HNRNPR: variants seen among roughly 807,000 people sequenced by gnomAD.
HNRNPR encodes heterogeneous nuclear ribonucleoprotein R.
In HNRNPR, 4 loss-of-function variants were observed where a neutral mutation model predicts 70.3. The ratio of observed to expected loss-of-function variants is 0.06; its 90% CI spans 0.03 to 0.13. The LOEUF is 0.13. HNRNPR is among the 10% of genes least tolerant of loss of function. HNRNPR has a pLI of 1.00. For missense variants in HNRNPR, 423 were observed against 788.5 expected, an observed-to-expected ratio of 0.54 and a Z score of 5.55; for synonymous variants, 241 against 267.6, an observed-to-expected ratio of 0.90 and a Z score of 0.97.
At chr1:23,329,214 G>C (rs781413097) in intron 5 of HNRNPR, among the ~76,000 whole-genome samples, 5 of 152,112 alleles carry the variant, frequency 3.3e-5, no homozygotes, top group Non-Finnish European at 5.9e-5. Flanking sequence ...AACAGACCAC[G>C]AATCGAAAAC....
rs899169929 is a variant in HNRNPR, at chr1:23,344,266, G to GA, written c.-66dup. 3 of 152,614 alleles carry GA rather than the reference G, an allele frequency of 2.0e-5. No homozygotes were observed. Among genetic ancestry groups the GA allele is most frequent in the Admixed American group, 6.6e-5 (1 of 15,252 alleles). 9.5% of individuals were successfully genotyped at this position (152,614 alleles called of 1,614,324 possible). A position where few individuals can be genotyped will look rare whatever the true frequency, so the allele number is the denominator to read the frequency against. ...CGTGAGAATCAGCGCGAGGCGCTTT[G>GA]AAAACGACTAGAAATGGCGCGCGCG... On this transcript the variant is annotated 5_prime_UTR_variant, in exon 1 of 11. Coordinates refer to ENST00000302271, the MANE Select transcript of HNRNPR (RefSeq NM_005826.5).
chr1:23,332,174 T>C (rs376972534), intron 5 of HNRNPR, among the ~76,000 whole-genome samples: 22 of 151,832 alleles, frequency 1.4e-4, no homozygotes, highest in African/African-American at 4.8e-4. Flanking sequence ...AAGGAAGGAA[T>C]AGAACAGGCT....
rs1000218722 is a variant in HNRNPR, at chr1:23,305,456, G to A, written c.*4998C>T. 6.6e-6 allele frequency: 1 copy of A among 152,066 alleles called. No individual in the cohort carries two copies. The highest frequency in any genetic ancestry group is 6.6e-5 in the Admixed American group (1 of 15,258). 9.4% of individuals were successfully genotyped at this position (152,066 alleles called of 1,614,324 possible). A position where few individuals can be genotyped will look rare whatever the true frequency, so the allele number is the denominator to read the frequency against. On this transcript the variant is annotated 3_prime_UTR_variant, in exon 11 of 11. Coordinates refer to ENST00000302271, the MANE Select transcript of HNRNPR (RefSeq NM_005826.5). ...CACTGACTAGCACATTTAACATCTA[G>A]GAAAGTCTTTCTAGACTGATATTCT...
Position 23,321,548 on chromosome 1 carries a change from T to G in HNRNPR, c.791A>C (p.Glu264Ala). 6.2e-7 allele frequency: 1 copy of G among 1,612,180 alleles called. No individual in the cohort carries two copies. The highest frequency in any genetic ancestry group is 2.2e-5 in the East Asian group (1 of 44,856). ...TTTACCTGTGACTTTACTGAATTCT[T>G]CCAAAATGTTTTCTTTAGTCTTATT... Reference protein sequence around the residue: ...PKNKTKENILEEFSKVTEGLV... With the variant: ...PKNKTKENILAEFSKVTEGLV... Residue 264 changes from glutamate to alanine, a missense_variant, in exon 7 of 11, where the codon GAA becomes GCA. Physicochemically the swap from Glu to Ala is moderately radical, Grantham distance 107 (BLOSUM62 -1). Coordinates refer to ENST00000302271, the MANE Select transcript of HNRNPR (RefSeq NM_005826.5).
At chr1:23,326,946 C>T (rs1256029759) in intron 5 of HNRNPR, among the ~76,000 whole-genome samples, 1 of 152,158 alleles carries the variant, frequency 6.6e-6, no homozygotes, top group African/African-American at 2.4e-5. Flanking sequence ...ATGATGAAGA[C>T]ATGTTTGTAA....
At chr1:23,326,057 G>GAGGC (rs1210409194) in intron 5 of HNRNPR, among the ~76,000 whole-genome samples, 1 of 152,048 alleles carries the variant, frequency 6.6e-6, no homozygotes, top group Non-Finnish European at 1.5e-5. Flanking sequence ...GGGGAAGAGA[G>GAGGC]AGGCTCTCAC....
rs1205316936 is a variant in HNRNPR at position 23,318,865 on chromosome 1, T to C, written c.812-177A>G. On this transcript the variant is annotated intron_variant, in intron 7 of 10. Coordinates refer to ENST00000302271, the MANE Select transcript of HNRNPR (RefSeq NM_005826.5). This position sits in a 1 kb window ranked among gnomAD's most constrained non-coding sequence, Gnocchi z 4.2. ...TTAGATATGGGGTTTGGGACAGTAT[T>C]TGATGTTCCTTTTTAATTTTAGGGG... is the stretch of plus-strand genomic sequence containing the variant. Among the ~76,000 whole-genome samples, 1 of 152,204 alleles carries C rather than the reference T, an allele frequency of 6.6e-6. No individual in the cohort carries two copies. Among genetic ancestry groups the C allele is most frequent in the African/African-American group, 2.4e-5 (1 of 41,450 alleles).
At chr1:23,343,139 T>C (rs1646766986) in intron 1 of HNRNPR, among the ~76,000 whole-genome samples, 4 of 152,142 alleles carry the variant, frequency 2.6e-5, no homozygotes, top group African/African-American at 7.2e-5. Context: ...ACCATATTTC[T>C]GGATGCAGCA....
At chr1:23,311,404 GTAAT>G in intron 9 of HNRNPR, 82 bp from the exon 10 acceptor site, 1 of 884,702 alleles carries the variant, frequency 1.1e-6, no homozygotes, top group Non-Finnish European at 1.7e-6. Flanking sequence ...TTATACTTGT[GTAAT>G]TTAATACACT....
At chr1:23,326,606 G>T (rs1645986008) in intron 5 of HNRNPR, among the ~76,000 whole-genome samples, 2 of 152,098 alleles carry the variant, frequency 1.3e-5, no homozygotes, top group African/African-American at 4.8e-5. Flanking sequence ...CCAACATGGT[G>T]AAACCCCATC....
intron 8 of HNRNPR, among the ~76,000 whole-genome samples, chr1:23,314,473 C>G (rs780696465): frequency 1.3e-5 from 2 of 152,128 alleles, no homozygotes; most frequent in East Asian, 1.9e-4. Context: ...GCTAATCTCT[C>G]TTTTATATCA....
At chr1:23,336,891 T>C (rs982621556) in intron 4 of HNRNPR, among the ~76,000 whole-genome samples, 2 of 152,188 alleles carry the variant, frequency 1.3e-5, no homozygotes, top group South Asian at 2.1e-4. Context: ...AAGCTGTTTA[T>C]CTAAGTAATA....
chr1:23,321,030 G>T (rs1645735878), intron 7 of HNRNPR, among the ~76,000 whole-genome samples: 1 of 152,060 alleles, frequency 6.6e-6, no homozygotes, highest in African/African-American at 2.4e-5. Context: ...GCCAGGCGTG[G>T]TGGCACATGC....
Position 23,310,311 on chromosome 1 carries a change from A to G in HNRNPR, c.*143T>C. The stretch of plus-strand genomic sequence containing the variant: ...AAAATAAAAAGACTTGAGTATATAC[A>G]CAATAGTGATTTCTTCAGCCCAATA... On this transcript the variant is annotated 3_prime_UTR_variant, in exon 11 of 11. Transcript: ENST00000302271. This position sits in a 1 kb window ranked among gnomAD's most constrained non-coding sequence, Gnocchi z 6.0. The G allele has an allele frequency of 2.6e-6, 2 of 758,894 alleles. No individual in the cohort carries two copies. The highest frequency in any genetic ancestry group is 2.1e-6 in the Non-Finnish European group (1 of 466,412). 47.0% of individuals were successfully genotyped at this position (758,894 alleles called of 1,614,324 possible). A position where few individuals can be genotyped will look rare whatever the true frequency, so the allele number is the denominator to read the frequency against.
At position 23,310,310 on chromosome 1, in the gene HNRNPR, C is replaced by T. The variant is rs1645280788; in HGVS notation, c.*144G>A. On this transcript the variant is annotated 3_prime_UTR_variant, in exon 11 of 11. Coordinates refer to ENST00000302271, the MANE Select transcript of HNRNPR (RefSeq NM_005826.5). This position sits in a 1 kb window ranked among gnomAD's most constrained non-coding sequence, Gnocchi z 6.0. ...AAAAATAAAAAGACTTGAGTATATA[C>T]ACAATAGTGATTTCTTCAGCCCAAT... 4 of 755,168 alleles carry T rather than the reference C, an allele frequency of 5.3e-6. No individual in the cohort carries two copies. The highest frequency in any genetic ancestry group is 4.9e-5 in the Admixed American group (2 of 40,690). The allele number at this position is 755,168 out of a possible 1,614,324, so 46.8% of individuals were successfully genotyped here. A position where few individuals can be genotyped will look rare whatever the true frequency, so the allele number is the denominator to read the frequency against.
intron 8 of HNRNPR, among the ~76,000 whole-genome samples, chr1:23,316,073 T>C (rs573328628): frequency 2.2e-4 from 34 of 152,220 alleles, no homozygotes; most frequent in African/African-American, 6.3e-4. Flanking sequence ...TGACCCAACT[T>C]GGCAAAAAAA....
chr1:23,338,928 T>C (rs2148487781), intron 2 of HNRNPR, among the ~76,000 whole-genome samples: 1 of 152,342 alleles, frequency 6.6e-6, no homozygotes, highest in East Asian at 1.9e-4. Flanking sequence ...GTACATACTG[T>C]ATTACAGATT....
chr1:23,318,803 T>C lies in HNRNPR; in HGVS notation c.812-115A>G, dbSNP rs1363686020. On this transcript the variant is annotated intron_variant, in intron 7 of 10. Coordinates refer to ENST00000302271, the MANE Select transcript of HNRNPR (RefSeq NM_005826.5). This position sits in a 1 kb window ranked among gnomAD's most constrained non-coding sequence, Gnocchi z 4.2. ...AAATATAAGTGAAGCAGCCTCAACA[T>C]GAGTCACTAATTTTGTAGACAATTA... 2.4e-6 allele frequency: 2 copies of C among 845,790 alleles called. No homozygotes were observed. The highest frequency in any genetic ancestry group is 2.6e-5 in the East Asian group (1 of 37,776). 52.4% of individuals were successfully genotyped at this position (845,790 alleles called of 1,614,324 possible).
At chr1:23,316,455 G>GTTC in intron 8 of HNRNPR, among the ~76,000 whole-genome samples, 1 of 152,204 alleles carries the variant, frequency 6.6e-6, no homozygotes, top group Admixed American at 6.5e-5. Context: ...CCTAAAAAAA[G>GTTC]ATTAGGATGA....
Sources: gnomAD v4.1 joint callset for allele counts (sites outside exome capture counted in the v4.1 genomes callset) on GRCh38, gnomAD v4.1.1 for gene constraint, Gnocchi (gnomAD v3.1) non-coding constraint, MANE v1.5 for transcripts, NCBI Gene and HGNC (gene_info 2026-07-23, HGNC 2026-07-21) for gene names.